The following PPFIBP2 variants were observed in gnomAD, a reference collection of about 807,000 sequenced individuals.
The protein encoded by PPFIBP2 is liprin-beta-2.
PPFIBP2 carries 118 observed loss-of-function variants against 118.3 expected under a neutral mutation model. The ratio of observed to expected loss-of-function variants is 1.00; its 90% CI spans 0.86 to 1.16. PPFIBP2 has a LOEUF of 1.16. Among genes scored for constraint, PPFIBP2 ranks in the 50% most tolerant of loss-of-function variants. PPFIBP2 has a pLI of 0.00. For synonymous variants in PPFIBP2, 414 were observed against 397.4 expected (o/e 1.04, Z -0.50); for missense variants, 1,195 against 1,073.1 (o/e 1.11, Z -1.59).
In PPFIBP2 at chr11:7,653,315, C is replaced by A; in HGVS notation, c.*97C>A. 6.5e-7 allele frequency: 1 copy of A among 1,549,332 alleles called. No homozygotes were observed. The highest frequency in any genetic ancestry group is 1.2e-5 in the South Asian group (1 of 82,812). On this transcript the variant is annotated 3_prime_UTR_variant, in exon 24 of 24. Coordinates refer to ENST00000299492, the MANE Select transcript of PPFIBP2 (RefSeq NM_003621.5). ...ACCTCACCCCCGCACGTGTGCATGACTCGCAGAGAATATTCCAGCAATTGT... is the reference window on the plus strand; with the variant it reads ...ACCTCACCCCCGCACGTGTGCATGAATCGCAGAGAATATTCCAGCAATTGT...
chr11:7,556,556 A>T (rs1853654716), intron 2 of PPFIBP2, among the ~76,000 whole-genome samples: 1 of 152,144 alleles, frequency 6.6e-6, no homozygotes, highest in Non-Finnish European at 1.5e-5. Context: ...TATTCTCCAA[A>T]TTATTGTTTT....
intron 3 of PPFIBP2, among the ~76,000 whole-genome samples, chr11:7,587,962 T>A (rs1054034323): frequency 1.3e-5 from 2 of 152,200 alleles, no homozygotes; most frequent in African/African-American, 4.8e-5. Context: ...CTGTTTCTTT[T>A]CCTTAGCAAG....
At position 7,616,906 on chromosome 11, in the gene PPFIBP2, A is replaced by C. The variant is rs1848718502; in HGVS notation, c.619-4029A>C. ...TGGGGATTTGTTCGAACTGCAAGAC[A>C]GGCATCTGGATGGGGCAGGCCTGAG... is the stretch of plus-strand genomic sequence containing the variant. On this transcript the variant is annotated intron_variant, in intron 6 of 23. Coordinates refer to ENST00000299492, the MANE Select transcript of PPFIBP2 (RefSeq NM_003621.5). This position sits in a 1 kb window ranked among gnomAD's most constrained non-coding sequence, Gnocchi z 5.2. 6.6e-6 allele frequency among the ~76,000 whole-genome samples: 1 copy of C among 151,982 alleles called. No homozygotes were observed. Among genetic ancestry groups the C allele is most frequent in the African/African-American group, 2.4e-5 (1 of 41,380 alleles).
chr11:7,581,853 T>C (rs1857310846), intron 3 of PPFIBP2, among the ~76,000 whole-genome samples: 1 of 152,134 alleles, frequency 6.6e-6, no homozygotes, highest in Non-Finnish European at 1.5e-5. Flanking sequence ...TTTTTTTTTT[T>C]TGAGACAGAG....
intron 5 of PPFIBP2, among the ~76,000 whole-genome samples, chr11:7,599,820 A>C (rs1388842515): frequency 1.3e-5 from 1 of 79,134 alleles, no homozygotes; most frequent in Non-Finnish European, 2.6e-5. Context: ...TTTTTTTTGT[A>C]GTTTTAGTAG....
At chr11:7,633,250 G>A (rs1293755861) in intron 12 of PPFIBP2, among the ~76,000 whole-genome samples, 1 of 152,228 alleles carries the variant, frequency 6.6e-6, no homozygotes, top group Admixed American at 6.5e-5. Flanking sequence ...ATCCCGTGAT[G>A]TGTGTTCCTT....
At chr11:7,589,886 G>A (rs1222362460) in intron 3 of PPFIBP2, among the ~76,000 whole-genome samples, 1 of 152,202 alleles carries the variant, frequency 6.6e-6, no homozygotes, top group Non-Finnish European at 1.5e-5. Flanking sequence ...GACCAAGCAA[G>A]CTGTCTTTAA....
intron 4 of PPFIBP2, among the ~76,000 whole-genome samples, chr11:7,595,755 G>A (rs1860167454): frequency 6.6e-6 from 1 of 152,052 alleles, no homozygotes; most frequent in South Asian, 2.1e-4. Flanking sequence ...GGCCCAGAAA[G>A]TTTTCCTGGT....
intron 18 of PPFIBP2, 114 bp from the exon 19 acceptor site, chr11:7,648,686 C>T: frequency 7.0e-7 from 1 of 1,429,588 alleles, no homozygotes. Context: ...CATCCCAGGG[C>T]ACGGTGTGGA....
intron 3 of PPFIBP2, chr11:7,577,313 G>A (rs542355618): frequency 2.4e-4 from 66 of 278,008 alleles, no homozygotes; most frequent in South Asian, 1.7e-3. Flanking sequence ...GTGCGTGCAT[G>A]TATGTGCGTG....
At chr11:7,651,398 A>T in intron 22 of PPFIBP2, 1 of 436,528 alleles carries the variant, frequency 2.3e-6, no homozygotes, top group Non-Finnish European at 4.1e-6. Flanking sequence ...GAAGATCCTG[A>T]GAGACAGCCT....
chr11:7,649,078 C>A, intron 19 of PPFIBP2, 69 bp from the exon 20 acceptor site: 2 of 1,482,412 alleles, frequency 1.3e-6, no homozygotes, highest in Non-Finnish European at 1.9e-6. Context: ...AATTTGCTCC[C>A]CTTTTTTTGG....
rs1462960880 is a variant in PPFIBP2 at position 7,653,474 on chromosome 11, T to C, written c.*256T>C. ...AGACACTTAAAGACACTTTTACATG[T>C]CTAGTAATTCTTGATGTTCATCTTC... On this transcript the variant is annotated 3_prime_UTR_variant, in exon 24 of 24. Coordinates refer to ENST00000299492, the MANE Select transcript of PPFIBP2 (RefSeq NM_003621.5). 2.7e-6 allele frequency: 4 copies of C among 1,463,746 alleles called. No individual in the cohort carries two copies. Among genetic ancestry groups the C allele is most frequent in the Non-Finnish European group, 2.7e-6 (3 of 1,101,696 alleles). 90.7% of individuals were successfully genotyped at this position (1,463,746 alleles called of 1,614,324 possible).
At chr11:7,535,876 G>A (rs1013612728) in intron 1 of PPFIBP2, among the ~76,000 whole-genome samples, 18 of 152,136 alleles carry the variant, frequency 1.2e-4, no homozygotes, top group Admixed American at 1.1e-3. Flanking sequence ...TGGCTCACAC[G>A]GGAGGGGAGT....
chr11:7,625,966 T>C, intron 8 of PPFIBP2, 75 bp downstream of exon 8: 1 of 1,227,880 alleles, frequency 8.1e-7, no homozygotes, highest in Non-Finnish European at 1.2e-6. Flanking sequence ...CATGTGTTTC[T>C]ATAAATGAGT....
chr11:7,648,366 T>TG, intron 17 of PPFIBP2, 21 bp from the exon 18 acceptor site: 1 of 1,600,518 alleles, frequency 6.2e-7, no homozygotes, highest in South Asian at 1.1e-5. Context: ...AACAGGAATA[T>TG]GCTGTTTTCC....
In PPFIBP2 at chr11:7,650,953, T is replaced by C. The variant is rs202111200; in HGVS notation, c.2235T>C (p.His745=). The change falls in exon 22 of 24, where the codon CAT becomes CAC. Residue 745 remains histidine, a synonymous_variant. Transcript: ENST00000299492. ...YAPNLRGSGV[H]GGLIILEPRF... is the part of the protein sequence containing the mutation. ...CCAATCTTCGAGGGAGTGGAGTCCA[T>C]GGAGGCCTCATTGTGAGTGGCTCTC... The C allele has an allele frequency of 2.5e-6, 4 of 1,613,612 alleles. No homozygotes were observed. Among genetic ancestry groups the C allele is most frequent in the Non-Finnish European group, 3.4e-6 (4 of 1,179,648 alleles).
intron 8 of PPFIBP2, among the ~76,000 whole-genome samples, chr11:7,626,553 G>T (rs1444925142): frequency 1.3e-5 from 2 of 152,198 alleles, no homozygotes; most frequent in Non-Finnish European, 2.9e-5. Context: ...TATCTACAAA[G>T]CCCAGCACAA....
chr11:7,605,278 C>A (rs764611295), intron 5 of PPFIBP2, among the ~76,000 whole-genome samples: 1 of 152,220 alleles, frequency 6.6e-6, no homozygotes, highest in Non-Finnish European at 1.5e-5. Context: ...ATAGAACTTA[C>A]ATTCAGTGAA....
Sources: gnomAD v4.1 joint callset for allele counts (sites outside exome capture counted in the v4.1 genomes callset) on GRCh38, gnomAD v4.1.1 for gene constraint, Gnocchi (gnomAD v3.1) non-coding constraint, MANE v1.5 for transcripts, NCBI Gene and HGNC (gene_info 2026-07-23, HGNC 2026-07-21) for gene names.